The following CDH22 variants were observed in gnomAD, a reference collection of about 807,000 sequenced individuals.
The protein encoded by CDH22 is cadherin 22, also known as cadherin-22.
CDH22 carries 30 observed loss-of-function variants against 58.4 expected under a neutral mutation model. That is an observed-to-expected ratio of 0.51 (90% CI 0.38 to 0.70). CDH22 has a LOEUF of 0.70. CDH22 is among the 30% of genes least tolerant of loss of function. CDH22 has a pLI of 0.00. For missense variants in CDH22, 1,014 were observed against 1,233.9 expected, an observed-to-expected ratio of 0.82 and a Z score of 2.67; for synonymous variants, 513 against 558.2, an observed-to-expected ratio of 0.92 and a Z score of 1.14.
chr20:46,256,965 C>A (rs1029106996), intron 1 of CDH22, among the ~76,000 whole-genome samples: 1 of 148,994 alleles, frequency 6.7e-6, no homozygotes, highest in Non-Finnish European at 1.5e-5. Context: ...ATGATCACAC[C>A]ATTAACACTC....
intron 1 of CDH22, among the ~76,000 whole-genome samples, chr20:46,307,753 C>A (rs1225344720): frequency 6.6e-6 from 1 of 152,018 alleles, no homozygotes; most frequent in Non-Finnish European, 1.5e-5. Flanking sequence ...CACGCTCGCG[C>A]CGTGCGGTAT....
At chr20:46,299,801 C>T (rs1276373770) in intron 1 of CDH22, among the ~76,000 whole-genome samples, 1 of 152,170 alleles carries the variant, frequency 6.6e-6, no homozygotes, top group Non-Finnish European at 1.5e-5. Context: ...GTTCACTCAG[C>T]TAGTAAGTGG....
chr20:46,264,076 AGAGTG>A (rs1255662445), intron 1 of CDH22, among the ~76,000 whole-genome samples: 3 of 152,232 alleles, frequency 2.0e-5, no homozygotes, highest in African/African-American at 7.2e-5. Context: ...AGAGACATCA[AGAGTG>A]ACTCCCCGGA....
At chr20:46,223,754 CTTTT>C (rs1226396396) in intron 4 of CDH22, among the ~76,000 whole-genome samples, 39 of 121,636 alleles carry the variant, frequency 3.2e-4, no homozygotes, top group Non-Finnish European at 4.9e-4. Flanking sequence ...TTTCCTCTTT[CTTTT>C]TCTTTCTTTC....
chr20:46,187,376 C>T (rs1353809804), intron 8 of CDH22, among the ~76,000 whole-genome samples: 1 of 152,048 alleles, frequency 6.6e-6, no homozygotes, highest in Non-Finnish European at 1.5e-5. Flanking sequence ...CGTCTATCAA[C>T]ATAACTATGA....
Position 46,301,232 on chromosome 20 carries a change from CAG to C in CDH22, c.-400+7021_-400+7022del, listed in dbSNP as rs200109779. 3.0e-3 allele frequency among the ~76,000 whole-genome samples: 455 copies of C among 151,368 alleles called. 2 individuals are homozygous for C. Among genetic ancestry groups the C allele is most frequent in the African/African-American group, 0.011 (429 of 40,770 alleles). ...ACACACACACACATACACACACACACAGAGAGAGAATCACTCTGTATTAAATA... is the reference window on the plus strand; with the variant it reads ...ACACACACACACATACACACACACACAGAGAGAATCACTCTGTATTAAATA... On this transcript the variant is annotated intron_variant, in intron 1 of 11. Transcript: ENST00000537909.
chr20:46,279,433 A>C (rs578020595), intron 1 of CDH22, among the ~76,000 whole-genome samples: 12 of 152,328 alleles, frequency 7.9e-5, no homozygotes, highest in Non-Finnish European at 1.8e-4. Context: ...TATTCATCTG[A>C]TGGAACACAG....
chr20:46,203,728 C>T (rs185979466), intron 7 of CDH22, among the ~76,000 whole-genome samples: 2 of 152,130 alleles, frequency 1.3e-5, no homozygotes, highest in Admixed American at 1.3e-4. Context: ...ACACAGGAGT[C>T]CCCCCAACCC....
intron 8 of CDH22, among the ~76,000 whole-genome samples, chr20:46,189,807 C>T (rs1043977437): frequency 1.3e-5 from 2 of 152,186 alleles, no homozygotes; most frequent in Non-Finnish European, 2.9e-5. Context: ...GGCATGGAAT[C>T]CCAGAGCTCA....
chr20:46,174,630 A>T lies in CDH22; in HGVS notation c.2363T>A (p.Leu788Gln). ...CTCGGAGCCCGACGAGCCGCTGTGCAGGGAGCTGAGCGAGGCGGCCGGCGA... is the reference window on the plus strand; with the variant it reads ...CTCGGAGCCCGACGAGCCGCTGTGCTGGGAGCTGAGCGAGGCGGCCGGCGA... ...ADSPAASLSS[L>Q]HSGSSGSEQD... The change falls in exon 12 of 12, where the codon CTG (leucine) becomes CAG (glutamine). Residue 788 changes from leucine (L) to glutamine (Q), a missense_variant. Leu to Gln is a moderately radical substitution (Grantham distance 113). Coordinates refer to ENST00000537909, the MANE Select transcript of CDH22 (RefSeq NM_021248.3). The surrounding 1 kb of genome is among the most constrained non-coding windows in gnomAD (Gnocchi z 4.4). 1 of 1,550,026 alleles carries T rather than the reference A, an allele frequency of 6.5e-7. No individual in the cohort carries two copies. Among genetic ancestry groups the T allele is most frequent in the South Asian group, 1.2e-5 (1 of 84,690 alleles).
Position 46,223,817 on chromosome 20 carries a change from T to TCTTCCTTCCTTC in CDH22, c.670+3679_670+3690dup, listed in dbSNP as rs11287075. 4.0e-3 allele frequency among the ~76,000 whole-genome samples: 546 copies of TCTTCCTTCCTTC among 138,180 alleles called. 3 individuals carry two copies. Among genetic ancestry groups the TCTTCCTTCCTTC allele is most frequent in the South Asian group, 0.011 (46 of 4,226 alleles). 90.7% of individuals were successfully genotyped at this position (138,180 alleles called of 152,430 possible). A position where few individuals can be genotyped will look rare whatever the true frequency, so the allele number is the denominator to read the frequency against. On this transcript the variant is annotated intron_variant, in intron 4 of 11. Transcript: ENST00000537909. The stretch of plus-strand genomic sequence containing the variant: ...TTTCTTTCTTCTTCCTTTCTTCCTT[T>TCTTCCTTCCTTC]CTTCCTTCCTTCCTTCCTTCCTTCC...
At chr20:46,301,990 T>C (rs2086654447) in intron 1 of CDH22, among the ~76,000 whole-genome samples, 1 of 152,152 alleles carries the variant, frequency 6.6e-6, no homozygotes, top group African/African-American at 2.4e-5. Flanking sequence ...TCTAAGTGCC[T>C]GTGTATTAGC....
At chr20:46,182,298 G>T (rs1170309691) in intron 10 of CDH22, among the ~76,000 whole-genome samples, 3 of 152,218 alleles carry the variant, frequency 2.0e-5, no homozygotes, top group Non-Finnish European at 4.4e-5. Context: ...TGCGGTCCCT[G>T]TCCTTGCTGG....
intron 1 of CDH22, among the ~76,000 whole-genome samples, chr20:46,272,552 G>A (rs2086496612): frequency 6.6e-6 from 1 of 152,218 alleles, no homozygotes. Flanking sequence ...GGAGGAGAAG[G>A]AAGCACGATG....
intron 4 of CDH22, among the ~76,000 whole-genome samples, chr20:46,226,292 C>CTTCTTCTTCTTCT (rs2086174105): frequency 9.5e-6 from 1 of 105,446 alleles, no homozygotes; most frequent in South Asian, 3.0e-4. Context: ...TCTTCTTCTT[C>CTTCTTCTTCTTCT]TTTTTTTTTT....
chr20:46,284,881 T>C (rs1246771182), intron 1 of CDH22, among the ~76,000 whole-genome samples: 1 of 152,132 alleles, frequency 6.6e-6, no homozygotes, highest in Non-Finnish European at 1.5e-5. Context: ...GGTGGGAAAA[T>C]GGGAGGGAAA....
At chr20:46,244,766 C>A (rs2086316577) in intron 2 of CDH22, among the ~76,000 whole-genome samples, 2 of 152,188 alleles carry the variant, frequency 1.3e-5, no homozygotes, top group Non-Finnish European at 2.9e-5. Flanking sequence ...GGCCACTGGG[C>A]TGCACAGCTT....
chr20:46,251,341 C>A lies in CDH22; in HGVS notation c.-47G>T. 2 of 1,409,234 alleles carry A rather than the reference C, an allele frequency of 1.4e-6. No individual in the cohort carries two copies. The highest frequency in any genetic ancestry group is 1.8e-6 in the Non-Finnish European group (2 of 1,090,294). The allele number at this position is 1,409,234 out of a possible 1,614,324, so 87.3% of individuals were successfully genotyped here. On this transcript the variant is annotated 5_prime_UTR_variant, in exon 2 of 12. Coordinates refer to ENST00000537909, the MANE Select transcript of CDH22 (RefSeq NM_021248.3). The surrounding 1 kb of genome is among the most constrained non-coding windows in gnomAD (Gnocchi z 6.7). ...GGCCCAGGAGCATGGACGAGAGGCA[C>A]CAGGGCGCCGCTGCTTGGTCGCACA...
intron 7 of CDH22, among the ~76,000 whole-genome samples, chr20:46,200,724 A>C (rs1277970373): frequency 6.6e-6 from 1 of 152,182 alleles, no homozygotes; most frequent in African/African-American, 2.4e-5. Context: ...CAAACACTGC[A>C]AAATGGTTCG....
Sources: allele counts gnomAD v4.1 joint callset (sites outside exome capture counted in the v4.1 genomes callset), GRCh38; gene constraint gnomAD v4.1.1; non-coding constraint Gnocchi (gnomAD v3.1); transcripts MANE v1.5; gene names NCBI Gene and HGNC (gene_info 2026-07-23, HGNC 2026-07-21).